Variants in ZFHX3 observed in about 807,000 individuals in gnomAD.
The protein encoded by ZFHX3 is zinc finger homeobox protein 3.
ZFHX3 carries 42 observed loss-of-function variants against 279.1 expected under a neutral mutation model. That is an observed-to-expected ratio of 0.15 (90% CI 0.12 to 0.19). The LOEUF (loss-of-function observed/expected upper bound fraction) is 0.19. Among genes scored for constraint, ZFHX3 ranks in the 10% least tolerant of loss-of-function variants. The pLI is 1.00. For synonymous variants in ZFHX3, 2,293 were observed against 1,957.8 expected (o/e 1.17, Z -4.52); for missense variants, 4,981 against 4,754.0 (o/e 1.05, Z -1.40).
Position 72,957,679 on chromosome 16 carries a change from T to C in ZFHX3, c.2467A>G (p.Met823Val). ...TNVARNLRIH[M>V]TSEKHMHNMM... is the part of the protein sequence containing the mutation. ...TTATGCATGTGCTTCTCACTGGTCA[T>C]GTGAATGCGGAGGTTCCTGGCCACG... Residue 823 changes from methionine to valine, a missense_variant, in exon 2 of 10, where the codon ATG becomes GTG. This residue lies in a region of ZFHX3 where 1,751 missense variants were observed against 1,770.0 expected (regional missense o/e 0.99). Coordinates refer to ENST00000268489, the MANE Select transcript of ZFHX3 (RefSeq NM_006885.4). 4 of 1,614,196 alleles carry C rather than the reference T, an allele frequency of 2.5e-6. No individual in the cohort carries two copies. Among genetic ancestry groups the C allele is most frequent in the Non-Finnish European group, 3.4e-6 (4 of 1,180,046 alleles).
At chr16:73,788,882 G>T (rs1959740884) in intron 1 of ZFHX3, among the ~76,000 whole-genome samples, 1 of 151,664 alleles carries the variant, frequency 6.6e-6, no homozygotes, top group Non-Finnish European at 1.5e-5. Flanking sequence ...GCTGAGGCAG[G>T]AGATCCGCCC....
intron 2 of ZFHX3, among the ~76,000 whole-genome samples, chr16:73,527,942 T>A (rs568567894): frequency 2.3e-4 from 35 of 152,354 alleles, no homozygotes; most frequent in African/African-American, 8.2e-4. Context: ...CCAGGGAAAC[T>A]GACATAATAG....
chr16:73,222,914 T>C (rs536698696), intron 5 of ZFHX3, among the ~76,000 whole-genome samples: 21 of 152,186 alleles, frequency 1.4e-4, no homozygotes, highest in African/African-American at 5.1e-4. Context: ...GAAATATACC[T>C]GCATAAAAAG....
chr16:73,198,127 T>A (rs1968194217), intron 5 of ZFHX3, among the ~76,000 whole-genome samples: 1 of 151,582 alleles, frequency 6.6e-6, no homozygotes, highest in African/African-American at 2.4e-5. Context: ...TTAGTAGAGG[T>A]GGGGTTTCAC....
chr16:73,496,530 T>TAAAG (rs1555520708), intron 2 of ZFHX3, among the ~76,000 whole-genome samples: 2 of 152,150 alleles, frequency 1.3e-5, no homozygotes, highest in Non-Finnish European at 2.9e-5. Flanking sequence ...GACTCCATCT[T>TAAAG]AAACAAACAA....
chr16:73,086,861 C>T (rs1966016932), intron 8 of ZFHX3, among the ~76,000 whole-genome samples: 1 of 152,112 alleles, frequency 6.6e-6, no homozygotes, highest in Non-Finnish European at 1.5e-5. Context: ...TGTGATGACA[C>T]CACTGCACTC....
chr16:73,266,545 C>T (rs957367450), intron 4 of ZFHX3, among the ~76,000 whole-genome samples: 1 of 152,164 alleles, frequency 6.6e-6, no homozygotes, highest in Non-Finnish European at 1.5e-5. Context: ...CTCCATTTTG[C>T]AGACGTGAAG....
At chr16:73,808,284 G>A (rs986445266) in intron 1 of ZFHX3, among the ~76,000 whole-genome samples, 6 of 152,182 alleles carry the variant, frequency 3.9e-5, no homozygotes, top group African/African-American at 1.4e-4. Flanking sequence ...GTTGTAGGGA[G>A]GACTGTTGAA....
chr16:72,952,060 G>A (rs543242850), intron 2 of ZFHX3, among the ~76,000 whole-genome samples: 1 of 152,300 alleles, frequency 6.6e-6, no homozygotes, highest in East Asian at 1.9e-4. Context: ...AGACCAGTCT[G>A]AGCAACATGG....
chr16:73,190,163 G>T (rs904174628), intron 5 of ZFHX3, among the ~76,000 whole-genome samples: 9 of 152,164 alleles, frequency 5.9e-5, no homozygotes, highest in Admixed American at 2.6e-4. Flanking sequence ...CTTAAGGAAC[G>T]CACCTTTGGA....
At chr16:72,896,003 A>G (rs1310405048) in intron 3 of ZFHX3, among the ~76,000 whole-genome samples, 1 of 152,242 alleles carries the variant, frequency 6.6e-6, no homozygotes, top group East Asian at 1.9e-4. Context: ...TGGCAATTGA[A>G]TTTACTTTCT....
intron 1 of ZFHX3, among the ~76,000 whole-genome samples, chr16:73,821,228 A>T (rs1379537060): frequency 6.6e-6 from 1 of 152,172 alleles, no homozygotes; most frequent in African/African-American, 2.4e-5. Context: ...CTGTCCTGTG[A>T]CCTCTGATTT....
intron 2 of ZFHX3, among the ~76,000 whole-genome samples, chr16:73,471,623 C>A (rs2018669628): frequency 6.6e-6 from 1 of 152,192 alleles, no homozygotes; most frequent in Non-Finnish European, 1.5e-5. Flanking sequence ...TTACCCTTCA[C>A]TGCACATCCA....
At chr16:73,154,170 C>G (rs1423357726) in intron 5 of ZFHX3, among the ~76,000 whole-genome samples, 1 of 152,154 alleles carries the variant, frequency 6.6e-6, no homozygotes, top group Non-Finnish European at 1.5e-5. Context: ...TTGGGTATTG[C>G]AGAACTGCAG....
chr16:72,813,274 GA>G (rs1240819222), intron 5 of ZFHX3, among the ~76,000 whole-genome samples: 1 of 152,180 alleles, frequency 6.6e-6, no homozygotes, highest in East Asian at 1.9e-4. Flanking sequence ...CACTGAATTA[GA>G]AAGCCCAATT....
chr16:73,800,955 G>A (rs931818184), intron 1 of ZFHX3, among the ~76,000 whole-genome samples: 3 of 152,152 alleles, frequency 2.0e-5, no homozygotes, highest in Non-Finnish European at 4.4e-5. Context: ...CCACTTGCCT[G>A]CCCTGGTAGT....
chr16:73,500,479 C>T (rs2019217174), intron 2 of ZFHX3, among the ~76,000 whole-genome samples: 1 of 151,808 alleles, frequency 6.6e-6, no homozygotes, highest in Non-Finnish European at 1.5e-5. Flanking sequence ...AGGCACATGC[C>T]ACCATGCCTG....
intron 4 of ZFHX3, among the ~76,000 whole-genome samples, chr16:72,839,369 T>G (rs894980211): frequency 7.9e-5 from 12 of 152,214 alleles, no homozygotes; most frequent in Non-Finnish European, 1.3e-4. Flanking sequence ...AACAAATGCA[T>G]TTTGACAAGT....
intron 7 of ZFHX3, among the ~76,000 whole-genome samples, chr16:73,113,517 G>A (rs1966400991): frequency 6.6e-6 from 1 of 152,160 alleles, no homozygotes; most frequent in South Asian, 2.1e-4. Context: ...ATCCTTCGAG[G>A]CCTTGCTTTA....
Sources: gnomAD v4.1 joint callset for allele counts (sites outside exome capture counted in the v4.1 genomes callset) on GRCh38, gnomAD v4.1.1 for gene constraint, gnomAD v4.1.1 regional missense constraint, MANE v1.5 for transcripts, NCBI Gene and HGNC (gene_info 2026-07-23, HGNC 2026-07-21) for gene names.